Variants in ZSCAN25 observed in about 807,000 individuals in gnomAD.
ZSCAN25 encodes zinc finger and SCAN domain containing 25, also known as zinc finger and SCAN domain-containing protein 25.
ZSCAN25 carries 27 observed loss-of-function variants against 38.7 expected under a neutral mutation model. That is an observed-to-expected ratio of 0.70 (90% confidence interval 0.51 to 0.96). The LOEUF (loss-of-function observed/expected upper bound fraction) is 0.96, where lower values mean the gene tolerates loss of function less well. ZSCAN25 is among the 40% of genes least tolerant of loss of function. The probability of loss-of-function intolerance (pLI) is 0.00; values close to 1 mark genes in which losing one functional copy is unlikely to be tolerated. For missense variants in ZSCAN25, 637 were observed against 705.9 expected, an observed-to-expected ratio of 0.90 and a Z score of 1.11; for synonymous variants, 273 against 277.7, an observed-to-expected ratio of 0.98 and a Z score of 0.17.
the ZSCAN25 span, among the ~76,000 whole-genome samples, chr7:99,716,905 G>A: frequency 2.0e-5 from 3 of 152,078 alleles, no homozygotes; most frequent in Non-Finnish European, 4.4e-5. Context: ...CCCCCTAAAG[G>A]ATGTATTTAG....
the ZSCAN25 span, among the ~76,000 whole-genome samples, chr7:99,712,650 TGATA>T: frequency 3.3e-3 from 508 of 152,228 alleles, 1 homozygote; most frequent in African/African-American, 0.012. Context: ...GATGGACAGA[TGATA>T]GATAGATAGA....
the ZSCAN25 span, chr7:99,720,261 T>C: frequency 6.2e-7 from 1 of 1,602,504 alleles, no homozygotes; most frequent in East Asian, 2.3e-5. Flanking sequence ...AATTTTAAAA[T>C]AAAAATTTAA....
At chr7:99,737,655 C>A in the ZSCAN25 span, among the ~76,000 whole-genome samples, 36 of 152,310 alleles carry the variant, frequency 2.4e-4, no homozygotes, top group African/African-American at 7.2e-4. Flanking sequence ...ATGTTTTCTT[C>A]TTTCCTCTAA....
At chr7:99,642,671 C>G in the ZSCAN25 span, among the ~76,000 whole-genome samples, 1 of 152,204 alleles carries the variant, frequency 6.6e-6, no homozygotes, top group Non-Finnish European at 1.5e-5. Context: ...CCATCAGTCT[C>G]TATTTTCTTA....
At chr7:99,644,171 A>C in the ZSCAN25 span, among the ~76,000 whole-genome samples, 2 of 152,220 alleles carry the variant, frequency 1.3e-5, no homozygotes, top group African/African-American at 4.8e-5. Flanking sequence ...GTACTGAGTC[A>C]TTGTTTTACA....
the ZSCAN25 span, among the ~76,000 whole-genome samples, chr7:99,719,935 T>C: frequency 1.3e-5 from 2 of 152,138 alleles, no homozygotes; most frequent in African/African-American, 4.8e-5. Context: ...AGGTGGAGGT[T>C]GCAGTGAGCC....
At chr7:99,700,347 C>A in the ZSCAN25 span, among the ~76,000 whole-genome samples, 1 of 152,248 alleles carries the variant, frequency 6.6e-6, no homozygotes, top group South Asian at 2.1e-4. Context: ...TGGCATGAAG[C>A]CTCTTAAATA....
At position 99,619,650 on chromosome 7, in the gene ZSCAN25, A is replaced by C; in HGVS notation, c.44A>C (p.Gln15Pro). The C allele has an allele frequency of 6.2e-7, 1 of 1,614,232 alleles. No homozygotes were observed. Among genetic ancestry groups the C allele is most frequent in the East Asian group, 2.2e-5 (1 of 44,880 alleles). ...GAGATGGCGGAAGCTCCTCAGCAGC[A>C]GTTGGGTATTCCTGTGGTGAAACTG... ...HPEMAEAPQQ[Q>P]LGIPVVKLEK... The change falls in exon 4 of 8, where the codon CAG becomes CCG. Residue 15 changes from glutamine to proline, a missense_variant. Coordinates refer to ENST00000394152, the MANE Select transcript of ZSCAN25 (RefSeq NM_145115.3).
the ZSCAN25 span, chr7:99,705,297 G>A: frequency 1.8e-6 from 1 of 561,076 alleles, no homozygotes; most frequent in Non-Finnish European, 3.0e-6. Flanking sequence ...CACTGATTTG[G>A]TCATCTCCTC....
At chr7:99,711,287 C>T in the ZSCAN25 span, among the ~76,000 whole-genome samples, 1 of 152,142 alleles carries the variant, frequency 6.6e-6, no homozygotes, top group Non-Finnish European at 1.5e-5. Flanking sequence ...AAATGTAATT[C>T]ATTTTAGCTA....
At chr7:99,622,450 T>G in intron 5 of ZSCAN25, 99 bp from the exon 6 acceptor site, 3 of 1,085,004 alleles carry the variant, frequency 2.8e-6, no homozygotes, top group Non-Finnish European at 4.3e-6. Context: ...TTCTGGTTCC[T>G]GAGGTTGTGA....
At chr7:99,628,326 C>G (rs1403352420) in intron 7 of ZSCAN25, among the ~76,000 whole-genome samples, 1 of 152,202 alleles carries the variant, frequency 6.6e-6, no homozygotes, top group Non-Finnish European at 1.5e-5. Flanking sequence ...GACTCTTCCG[C>G]TTTAAGCACC....
the ZSCAN25 span, chr7:99,638,580 C>T: frequency 6.4e-7 from 1 of 1,567,584 alleles, no homozygotes; most frequent in South Asian, 1.1e-5. Context: ...CACCCACATC[C>T]CATATGTTGA....
At chr7:99,694,303 A>G in the ZSCAN25 span, among the ~76,000 whole-genome samples, 63 of 152,342 alleles carry the variant, frequency 4.1e-4, no homozygotes, top group Non-Finnish European at 7.1e-4. Context: ...AGGAAGTTAC[A>G]GACATCAGGG....
chr7:99,713,073 T>C, the ZSCAN25 span, among the ~76,000 whole-genome samples: 1 of 152,248 alleles, frequency 6.6e-6, no homozygotes, highest in Non-Finnish European at 1.5e-5. Context: ...ATTAAGTTGC[T>C]GCAAAAGTAA....
At chr7:99,644,759 G>C in the ZSCAN25 span, among the ~76,000 whole-genome samples, 2 of 152,150 alleles carry the variant, frequency 1.3e-5, no homozygotes, top group Non-Finnish European at 2.9e-5. Context: ...TCACAGAAAA[G>C]CAATGCCAGA....
At chr7:99,666,785 T>C in the ZSCAN25 span, 1 of 1,599,642 alleles carries the variant, frequency 6.3e-7, no homozygotes. Flanking sequence ...AAGTGACATT[T>C]TGTAATGAAT....
chr7:99,687,889 T>A, the ZSCAN25 span, among the ~76,000 whole-genome samples: 1 of 152,136 alleles, frequency 6.6e-6, no homozygotes, highest in African/African-American at 2.4e-5. Flanking sequence ...GGGAAAGAAT[T>A]TTCAACCCAG....
the ZSCAN25 span, among the ~76,000 whole-genome samples, chr7:99,701,792 A>G: frequency 6.6e-6 from 1 of 152,030 alleles, no homozygotes; most frequent in Non-Finnish European, 1.5e-5. Context: ...GATTATTAGG[A>G]TTATTGAATT....
Sources: gnomAD v4.1 joint callset for allele counts (sites outside exome capture counted in the v4.1 genomes callset) on GRCh38, gnomAD v4.1.1 for gene constraint, MANE v1.5 for transcripts, NCBI Gene and HGNC (gene_info 2026-07-23, HGNC 2026-07-21) for gene names.